The following SNTG1 variants were observed in gnomAD, a reference collection of about 807,000 sequenced individuals.
SNTG1 encodes gamma-1-syntrophin.
Under a neutral mutation model 74.7 loss-of-function variants are expected in SNTG1, and 39 were observed. The ratio of observed to expected loss-of-function variants is 0.52; its 90% CI spans 0.40 to 0.68. The LOEUF (loss-of-function observed/expected upper bound fraction) is 0.68, where lower values mean the gene tolerates loss of function less well. Among genes scored for constraint, SNTG1 ranks in the 30% least tolerant of loss-of-function variants. The probability of loss-of-function intolerance (pLI) is 0.00; values close to 1 mark genes in which losing one functional copy is unlikely to be tolerated. For missense variants in SNTG1, 685 were observed against 609.5 expected (o/e 1.12, Z -1.30); for synonymous variants, 254 against 217.1 (o/e 1.17, Z -1.49).
intron 8 of SNTG1, among the ~76,000 whole-genome samples, chr8:50,488,629 T>C (rs1366795315): frequency 6.6e-6 from 1 of 152,098 alleles, no homozygotes; most frequent in Non-Finnish European, 1.5e-5. Flanking sequence ...CTATCCTCCA[T>C]CATCTGTTCC....
intron 1 of SNTG1, among the ~76,000 whole-genome samples, chr8:50,108,853 G>A (rs2080478549): frequency 6.6e-6 from 1 of 152,074 alleles, no homozygotes. Flanking sequence ...TTTACTTTTG[G>A]AGTCTGAAGG....
intron 12 of SNTG1, among the ~76,000 whole-genome samples, chr8:50,585,407 C>T (rs2094641659): frequency 6.6e-6 from 1 of 152,118 alleles, no homozygotes; most frequent in South Asian, 2.1e-4. Flanking sequence ...CTCTAAAAGC[C>T]TTCAAGTTCA....
intron 8 of SNTG1, among the ~76,000 whole-genome samples, chr8:50,456,801 G>A (rs1318855723): frequency 6.6e-6 from 1 of 152,032 alleles, no homozygotes; most frequent in Non-Finnish European, 1.5e-5. Flanking sequence ...TCCTTGGAGA[G>A]GAGTCTAAAA....
At chr8:50,646,864 G>T (rs1404787705) in intron 13 of SNTG1, among the ~76,000 whole-genome samples, 1 of 151,938 alleles carries the variant, frequency 6.6e-6, no homozygotes, top group African/African-American at 2.4e-5. Flanking sequence ...TCAGTGAGAA[G>T]ACAGACAATA....
intron 9 of SNTG1, among the ~76,000 whole-genome samples, chr8:50,510,315 G>A (rs562052526): frequency 1.8e-4 from 28 of 152,234 alleles, no homozygotes; most frequent in Non-Finnish European, 3.2e-4. Context: ...GATTTGGTTT[G>A]CCAGTATTTT....
intron 2 of SNTG1, among the ~76,000 whole-genome samples, chr8:50,186,386 T>C (rs945710491): frequency 2.0e-5 from 3 of 152,146 alleles, no homozygotes. Flanking sequence ...TTTCCTATGG[T>C]CAAAGGGTAT....
At chr8:50,533,279 A>T (rs938527776) in intron 10 of SNTG1, among the ~76,000 whole-genome samples, 2 of 152,188 alleles carry the variant, frequency 1.3e-5, no homozygotes, top group Non-Finnish European at 2.9e-5. Context: ...CCTTTAATTA[A>T]TACATCCTAT....
chr8:50,562,221 C>G (rs1312475957), intron 12 of SNTG1, among the ~76,000 whole-genome samples: 1 of 152,330 alleles, frequency 6.6e-6, no homozygotes, highest in Admixed American at 6.5e-5. Flanking sequence ...TCCTAACTCC[C>G]AGAACCTGTG....
chr8:49,933,450 A>T (rs1160734680), intron 1 of SNTG1, among the ~76,000 whole-genome samples: 1 of 152,130 alleles, frequency 6.6e-6, no homozygotes, highest in African/African-American at 2.4e-5. Context: ...AGAATTTAAC[A>T]GTTTAGCTTT....
chr8:50,449,632 G>C, intron 5 of SNTG1, 36 bp from the exon 6 acceptor site: 1 of 1,506,972 alleles, frequency 6.6e-7, no homozygotes, highest in South Asian at 1.4e-5. Flanking sequence ...ATTTTTTTTA[G>C]ATTAAAAAGT....
At chr8:50,560,148 G>A (rs1250346483) in intron 12 of SNTG1, among the ~76,000 whole-genome samples, 1 of 152,120 alleles carries the variant, frequency 6.6e-6, no homozygotes, top group African/African-American at 2.4e-5. Context: ...TTAGAGAAAT[G>A]CAAATCAAAA....
Position 50,105,265 on chromosome 8 carries a change from A to G in SNTG1, c.-102-67296A>G, listed in dbSNP as rs1196336514. On this transcript the variant is annotated intron_variant, in intron 1 of 18. Coordinates refer to ENST00000642720, the MANE Select transcript of SNTG1 (RefSeq NM_018967.5). ...CTGCATATGGGCAGCCAGTTATTTC[A>G]GCATCATTTATTGAATAGGAAGTTC... is the stretch of plus-strand genomic sequence containing the variant. Among the ~76,000 whole-genome samples the G allele has an allele frequency of 2.0e-5, 3 of 152,260 alleles. 1 individual carries two copies. Among genetic ancestry groups the G allele is most frequent in the African/African-American group, 7.2e-5 (3 of 41,576 alleles).
At chr8:50,062,752 C>A (rs1820585685) in intron 1 of SNTG1, among the ~76,000 whole-genome samples, 1 of 152,128 alleles carries the variant, frequency 6.6e-6, no homozygotes, top group African/African-American at 2.4e-5. Flanking sequence ...TGCCCACAAA[C>A]AATGGTTTAA....
chr8:50,739,590 G>C (rs1329648397), intron 17 of SNTG1, among the ~76,000 whole-genome samples: 1 of 151,432 alleles, frequency 6.6e-6, no homozygotes, highest in African/African-American at 2.4e-5. Flanking sequence ...GCTGGGGGAG[G>C]GATAGCATTA....
intron 2 of SNTG1, among the ~76,000 whole-genome samples, chr8:50,387,343 G>T (rs143193853): frequency 6.6e-6 from 1 of 152,262 alleles, no homozygotes; most frequent in East Asian, 1.9e-4. Context: ...GAGTCAAGTC[G>T]AAAGGTGCAT....
chr8:50,660,359 A>G (rs1396519912), intron 15 of SNTG1, among the ~76,000 whole-genome samples: 1 of 135,114 alleles, frequency 7.4e-6, no homozygotes, highest in African/African-American at 3.0e-5. Context: ...AAAGAAAGAA[A>G]GAGAGAGAGA....
At chr8:50,173,819 T>C (rs1193216306) in intron 2 of SNTG1, among the ~76,000 whole-genome samples, 1 of 152,224 alleles carries the variant, frequency 6.6e-6, no homozygotes, top group Non-Finnish European at 1.5e-5. Flanking sequence ...TTTTAAACAA[T>C]TATCTTTTTA....
chr8:49,971,042 C>A lies in SNTG1; in HGVS notation c.-103+58811C>A, dbSNP rs187900701. On this transcript the variant is annotated intron_variant, in intron 1 of 18. Coordinates refer to ENST00000642720, the MANE Select transcript of SNTG1 (RefSeq NM_018967.5). ...TATGAGGCCAGCATCATCCTGATAC[C>A]AAAGCCTGGCAGAGACACAACCAAA... 1.3e-3 allele frequency among the ~76,000 whole-genome samples: 196 copies of A among 152,262 alleles called. 2 individuals are homozygous for A. Among genetic ancestry groups the A allele is most frequent in the African/African-American group, 4.5e-3 (187 of 41,542 alleles).
intron 17 of SNTG1, among the ~76,000 whole-genome samples, chr8:50,710,173 G>A (rs2131555872): frequency 6.6e-6 from 1 of 152,186 alleles, no homozygotes; most frequent in African/African-American, 2.4e-5. Context: ...TTTTAACATG[G>A]TAAAATTAGA....
Sources: gnomAD v4.1 joint callset for allele counts (sites outside exome capture counted in the v4.1 genomes callset) on GRCh38, gnomAD v4.1.1 for gene constraint, MANE v1.5 for transcripts, NCBI Gene and HGNC (gene_info 2026-07-23, HGNC 2026-07-21) for gene names.